NIBAN2: variants seen among roughly 807,000 people sequenced by gnomAD.
NIBAN2 encodes niban apoptosis regulator 2.
A neutral mutation model predicts 81.8 loss-of-function variants in NIBAN2; 36 were observed. That is an observed-to-expected ratio of 0.44 (90% CI 0.34 to 0.58). The LOEUF is 0.58. Among genes scored for constraint, NIBAN2 ranks in the 20% least tolerant of loss-of-function variants. The pLI, the probability that NIBAN2 is intolerant of heterozygous loss-of-function variation, is 0.02. For synonymous variants in NIBAN2, 445 were observed against 441.6 expected (o/e 1.01, Z -0.10); for missense variants, 897 against 1,014.1 (o/e 0.88, Z 1.57).
chr9:127,517,527 A>G lies in NIBAN2; in HGVS notation c.705+299T>C, dbSNP rs1012910174. On this transcript the variant is annotated intron_variant, in intron 6 of 13. Transcript: ENST00000373312. This position sits in a 1 kb window ranked among gnomAD's most constrained non-coding sequence, Gnocchi z 4.0. ...ACATGGAAGTGTACATTTATTTGCCAAATGTCTGTTTCTCCTGCTATACGG... is the reference window on the plus strand; with the variant it reads ...ACATGGAAGTGTACATTTATTTGCCGAATGTCTGTTTCTCCTGCTATACGG... Among the ~76,000 whole-genome samples the G allele has an allele frequency of 1.3e-5, 2 of 152,110 alleles. No individual in the cohort carries two copies. The highest frequency in any genetic ancestry group is 2.9e-5 in the Non-Finnish European group (2 of 68,006).
Position 127,507,005 on chromosome 9 carries a change from G to A in NIBAN2, c.2081C>T (p.Pro694Leu). The change falls in exon 14 of 14, where the codon CCT (proline) becomes CTT (leucine). Residue 694 changes from proline to leucine, a missense_variant. Transcript: ENST00000373312. The surrounding 1 kb of genome is among the most constrained non-coding windows in gnomAD (Gnocchi z 6.8). Reference protein sequence around the residue: ...PKAAPEASSPPASPLQHLLPG... With the variant: ...PKAAPEASSPLASPLQHLLPG... ...CAGGAGATGCTGGAGGGGTGAGGCAGGCGGCGAGGAGGCCTCGGGGGCGGC... is the reference window on the plus strand; with the variant it reads ...CAGGAGATGCTGGAGGGGTGAGGCAAGCGGCGAGGAGGCCTCGGGGGCGGC... 4 of 1,595,392 alleles carry A rather than the reference G, an allele frequency of 2.5e-6. No individual in the cohort carries two copies. Among genetic ancestry groups the A allele is most frequent in the Non-Finnish European group, 3.4e-6 (4 of 1,169,672 alleles).
Position 127,517,263 on chromosome 9 carries a change from G to C in NIBAN2, c.706-47C>G, listed in dbSNP as rs932269547. Reference sequence around the variant, plus strand: ...CAGGCCAGGGGCTGGAGAGCGCTCAGCTGGCCTGTTTCTCTCTGCATTCCC... The same window carrying C: ...CAGGCCAGGGGCTGGAGAGCGCTCACCTGGCCTGTTTCTCTCTGCATTCCC... On this transcript the variant is annotated intron_variant, in intron 6 of 13. Coordinates refer to ENST00000373312, the MANE Select transcript of NIBAN2 (RefSeq NM_022833.4). The surrounding 1 kb of genome is among the most constrained non-coding windows in gnomAD (Gnocchi z 4.0). 1 of 1,539,504 alleles carries C rather than the reference G, an allele frequency of 6.5e-7. No homozygotes were observed. Among genetic ancestry groups the C allele is most frequent in the African/African-American group, 1.4e-5 (1 of 73,294 alleles).
chr9:127,573,759 G>A (rs1837976417), upstream of NIBAN2, among the ~76,000 whole-genome samples: 1 of 152,152 alleles, frequency 6.6e-6, no homozygotes, highest in Non-Finnish European at 1.5e-5. Context: ...CTGGGTTCAA[G>A]CAATTCTCCT....
At chr9:127,574,664 G>C (rs1400253686) in intron 1 of NIBAN2, among the ~76,000 whole-genome samples, 1 of 151,776 alleles carries the variant, frequency 6.6e-6, no homozygotes, top group East Asian at 1.9e-4. Flanking sequence ...AATAGACCAG[G>C]AGAAAAAAAA....
intron 1 of NIBAN2, among the ~76,000 whole-genome samples, chr9:127,539,289 T>C (rs573909753): frequency 7.5e-4 from 114 of 152,148 alleles, no homozygotes; most frequent in Non-Finnish European, 1.5e-3. Flanking sequence ...CTCATCCCAG[T>C]GACCCCTCAC....
At position 127,507,324 on chromosome 9, in the gene NIBAN2, C is replaced by T. The variant is rs560007259; in HGVS notation, c.1762G>A (p.Asp588Asn). Residue 588 changes from aspartate to asparagine, a missense_variant, in exon 14 of 14, where the codon GAC becomes AAC. Physicochemically the swap from Asp to Asn is conservative, Grantham distance 23. Coordinates refer to ENST00000373312, the MANE Select transcript of NIBAN2 (RefSeq NM_022833.4). This position sits in a 1 kb window ranked among gnomAD's most constrained non-coding sequence, Gnocchi z 6.8. ...LHLLAEGAPI[D>N]WGEEYSNSGG... ...CTGTTGCTGTACTCCTCGCCCCAGTCGATGGGGGCGCCCTCGGCCAGCAGG... is the reference window on the plus strand; with the variant it reads ...CTGTTGCTGTACTCCTCGCCCCAGTTGATGGGGGCGCCCTCGGCCAGCAGG... 1.2e-5 allele frequency: 19 copies of T among 1,567,044 alleles called. No individual in the cohort carries two copies. The highest frequency in any genetic ancestry group is 7.3e-5 in the Admixed American group (4 of 54,552).
intron 1 of NIBAN2, among the ~76,000 whole-genome samples, chr9:127,576,963 T>C (rs1198470825): frequency 1.3e-5 from 2 of 151,564 alleles, no homozygotes; most frequent in African/African-American, 4.8e-5. Context: ...AGTGCTGGGA[T>C]TACAGGTGTA....
intron 8 of NIBAN2, 31 bp from the exon 9 acceptor site, chr9:127,510,364 G>A (rs779884675): frequency 3.0e-5 from 47 of 1,556,496 alleles, no homozygotes; most frequent in Non-Finnish European, 4.0e-5. Flanking sequence ...GTCAGCAGGG[G>A]CTCCCCAAGG....
chr9:127,557,488 G>A lies in NIBAN2; in HGVS notation c.55+11332C>T, dbSNP rs555382427. ...ACTGCAGGAAGAGGGGAGGGAGGGC[G>A]GGGGCTCAGCCCCAATTGCACAGGA... is the stretch of plus-strand genomic sequence containing the variant. On this transcript the variant is annotated intron_variant, in intron 1 of 13. Transcript: ENST00000373312. Among the ~76,000 whole-genome samples the A allele has an allele frequency of 4.6e-5, 7 of 152,234 alleles. No individual in the cohort carries two copies. The South Asian group carries it at 1.0e-3, about 23-fold the overall frequency.
intron 5 of NIBAN2, among the ~76,000 whole-genome samples, chr9:127,521,154 T>C (rs73669853): frequency 1.2e-3 from 186 of 152,266 alleles, no homozygotes; most frequent in African/African-American, 4.3e-3. Flanking sequence ...GCCCCAGCCC[T>C]GGCTGAGGCT....
chr9:127,531,548 T>C (rs1837180358), intron 2 of NIBAN2, 100 bp downstream of exon 2: 2 of 1,193,394 alleles, frequency 1.7e-6, no homozygotes, highest in Non-Finnish European at 2.4e-6. Flanking sequence ...GCCATCACAG[T>C]AACAATGGGA....
At position 127,552,868 on chromosome 9, in the gene NIBAN2, T is replaced by C. The variant is rs529163036; in HGVS notation, c.55+15952A>G. On this transcript the variant is annotated intron_variant, in intron 1 of 13. Transcript: ENST00000373312. ...CACCACGCCTGGCTAATTTTTGTAT[T>C]TTAAGTAGAGACAGGGTTTCACTAT... 3.4e-4 allele frequency among the ~76,000 whole-genome samples: 52 copies of C among 152,026 alleles called. 1 individual carries two copies. In the East Asian group the frequency reaches 6.8e-3, roughly 20 times the overall value.
Position 127,523,732 on chromosome 9 carries a change from T to G in NIBAN2, c.536A>C (p.Glu179Ala). 2 of 1,613,992 alleles carry G rather than the reference T, an allele frequency of 1.2e-6. No individual in the cohort carries two copies. Among genetic ancestry groups the G allele is most frequent in the Non-Finnish European group, 8.5e-7 (1 of 1,179,980 alleles). The change falls in exon 5 of 14, where the codon GAG becomes GCG. Residue 179 changes from glutamate to alanine, a missense_variant. Coordinates refer to ENST00000373312, the MANE Select transcript of NIBAN2 (RefSeq NM_022833.4). The part of the protein sequence containing the change: ...HYYFCMMTEA[E>A]QDKWQAVLQD... The stretch of plus-strand genomic sequence containing the variant: ...CAGCACAGCCTGCCACTTGTCCTGC[T>G]CGGCTTCTGTCATCATGCAGAAGTA...
At chr9:127,566,403 A>C (rs1837860051) in intron 1 of NIBAN2, among the ~76,000 whole-genome samples, 1 of 152,182 alleles carries the variant, frequency 6.6e-6, no homozygotes. Flanking sequence ...GTAAGGAGGC[A>C]GGAGTCATCC....
chr9:127,516,302 T>C (rs1836828556), intron 8 of NIBAN2, among the ~76,000 whole-genome samples: 1 of 152,152 alleles, frequency 6.6e-6, no homozygotes, highest in South Asian at 2.1e-4. Context: ...ATCCCAGGAC[T>C]TTGGGAGGCC....
At chr9:127,578,886 T>C (rs1838041405) in intron 1 of NIBAN2, 1 of 1,600,724 alleles carries the variant, frequency 6.2e-7, no homozygotes, top group African/African-American at 1.3e-5. Flanking sequence ...GAACCCCGTG[T>C]GCCTTGTGTC....
Position 127,517,292 on chromosome 9 carries a change from A to T in NIBAN2, c.706-76T>A. 4 of 1,303,146 alleles carry T rather than the reference A, an allele frequency of 3.1e-6. No individual in the cohort carries two copies. Among genetic ancestry groups the T allele is most frequent in the South Asian group, 2.5e-5 (2 of 78,962 alleles). The allele number at this position is 1,303,146 out of a possible 1,614,324, so 80.7% of individuals were successfully genotyped here. ...GCCTGTTTCTCTCTGCATTCCCACA[A>T]GCCAGGCCGCTGCAGCCCCCACCTC... On this transcript the variant is annotated intron_variant, in intron 6 of 13. Coordinates refer to ENST00000373312, the MANE Select transcript of NIBAN2 (RefSeq NM_022833.4). The surrounding 1 kb of genome is among the most constrained non-coding windows in gnomAD (Gnocchi z 4.0).
chr9:127,511,653 T>C (rs886315355), intron 8 of NIBAN2, among the ~76,000 whole-genome samples: 17 of 152,048 alleles, frequency 1.1e-4, no homozygotes, highest in African/African-American at 4.1e-4. Context: ...GGCAAAAAAC[T>C]AAGAAAACTG....
Position 127,509,007 on chromosome 9 carries a change from AACACGGACGTGCTGG to A in NIBAN2, c.1271_1285del (p.Ser424_Val428del), listed in dbSNP as rs1257146884. Reference sequence around the variant, plus strand: ...CATGTGGATCTGGGCTCGCTGCTTGAACACGGACGTGCTGGACACATCAAATCGCTGCTGCAGCCC... The same window carrying A: ...CATGTGGATCTGGGCTCGCTGCTTGAACACATCAAATCGCTGCTGCAGCCC... On this transcript the variant is annotated inframe_deletion, in exon 10 of 14. Coordinates refer to ENST00000373312, the MANE Select transcript of NIBAN2 (RefSeq NM_022833.4). 1 of 1,613,898 alleles carries A rather than the reference AACACGGACGTGCTGG, an allele frequency of 6.2e-7. No individual in the cohort carries two copies. Among genetic ancestry groups the A allele is most frequent in the Non-Finnish European group, 8.5e-7 (1 of 1,179,972 alleles).
Sources: allele counts gnomAD v4.1 joint callset (sites outside exome capture counted in the v4.1 genomes callset), GRCh38; gene constraint gnomAD v4.1.1; non-coding constraint Gnocchi (gnomAD v3.1); transcripts MANE v1.5; gene names NCBI Gene and HGNC (gene_info 2026-07-23, HGNC 2026-07-21).